SPAG16: variants seen among roughly 807,000 people sequenced by gnomAD.
SPAG16 encodes the protein sperm-associated antigen 16 protein.
In SPAG16, 86 loss-of-function variants were observed where a neutral mutation model predicts 80.4. The ratio of observed to expected loss-of-function variants is 1.07; its 90% CI spans 0.90 to 1.28. SPAG16 has a LOEUF of 1.28. Among genes scored for constraint, SPAG16 ranks in the 50% most tolerant of loss-of-function variants. The pLI is 0.00. For synonymous variants in SPAG16, 294 were observed against 265.9 expected (o/e 1.11, Z -1.03); for missense variants, 870 against 765.3 (o/e 1.14, Z -1.61).
At chr2:213,871,244 A>G (rs2556311) in intron 11 of SPAG16, among the ~76,000 whole-genome samples, 138,778 of 151,988 alleles carry the variant, frequency 0.91, 64,708 homozygotes, top group East Asian at 1. Context: ...AGAATGGCAG[A>G]ATAAGGACGT....
At chr2:213,729,901 T>C (rs2066949158) in intron 10 of SPAG16, among the ~76,000 whole-genome samples, 1 of 152,200 alleles carries the variant, frequency 6.6e-6, no homozygotes, top group African/African-American at 2.4e-5. Context: ...CTATATTTAA[T>C]GTCTAGATGA....
intron 10 of SPAG16, among the ~76,000 whole-genome samples, chr2:213,821,361 A>G (rs2072921182): frequency 6.6e-6 from 1 of 152,108 alleles, no homozygotes; most frequent in Non-Finnish European, 1.5e-5. Flanking sequence ...ATGCAATTTT[A>G]AAATTTTATT....
intron 10 of SPAG16, among the ~76,000 whole-genome samples, chr2:213,682,984 T>G (rs2064473196): frequency 6.6e-6 from 1 of 152,142 alleles, no homozygotes; most frequent in Admixed American, 6.5e-5. Flanking sequence ...TTACATAGTA[T>G]AAAAACAGAC....
chr2:213,915,829 G>A (rs1200041389), intron 11 of SPAG16, among the ~76,000 whole-genome samples: 1 of 152,056 alleles, frequency 6.6e-6, no homozygotes, highest in Non-Finnish European at 1.5e-5. Flanking sequence ...GGCATGAGAT[G>A]GTATCTCATA....
chr2:213,375,283 A>G (rs2066831491), intron 9 of SPAG16, 164 bp downstream of exon 9: 1 of 484,340 alleles, frequency 2.1e-6, no homozygotes, highest in Non-Finnish European at 3.7e-6. Context: ...AAATGTTACT[A>G]GTAAGTAGTT....
intron 11 of SPAG16, among the ~76,000 whole-genome samples, chr2:213,914,522 T>G (rs555222142): frequency 6.6e-6 from 1 of 152,174 alleles, no homozygotes; most frequent in Non-Finnish European, 1.5e-5. Context: ...TCAAAATATA[T>G]GCACAGCACA....
intron 10 of SPAG16, among the ~76,000 whole-genome samples, chr2:213,707,280 A>G (rs60465888): frequency 0.026 from 3,897 of 152,272 alleles, 164 homozygotes; most frequent in African/African-American, 0.086. Flanking sequence ...CCTGCCCCTC[A>G]TGAATCATGT....
chr2:213,352,052 GCACT>G (rs1489964099), intron 7 of SPAG16, among the ~76,000 whole-genome samples: 1 of 151,794 alleles, frequency 6.6e-6, no homozygotes, highest in African/African-American at 2.4e-5. Flanking sequence ...TCTTTTGCTT[GCACT>G]CACTCTCTTT....
At chr2:213,337,987 C>T (rs2064464487) in intron 5 of SPAG16, among the ~76,000 whole-genome samples, 1 of 152,062 alleles carries the variant, frequency 6.6e-6, no homozygotes. Context: ...TCCAGGTCAC[C>T]TATAAAGGGA....
chr2:214,262,977 G>A (rs139543283), intron 15 of SPAG16, among the ~76,000 whole-genome samples: 162 of 151,998 alleles, frequency 1.1e-3, no homozygotes, highest in African/African-American at 3.8e-3. Context: ...ATACATTTAA[G>A]GTACACACGT....
intron 12 of SPAG16, among the ~76,000 whole-genome samples, chr2:213,945,078 T>C (rs1235634938): frequency 6.6e-6 from 1 of 151,842 alleles, no homozygotes; most frequent in African/African-American, 2.4e-5. Context: ...TCTTTCTTCT[T>C]TGTTCTCTGC....
At chr2:213,951,129 C>T (rs915719539) in intron 12 of SPAG16, among the ~76,000 whole-genome samples, 2 of 151,818 alleles carry the variant, frequency 1.3e-5, no homozygotes, top group East Asian at 3.9e-4. Flanking sequence ...ATATACAAAC[C>T]TTCAAGCCTT....
At chr2:213,694,192 T>A (rs1458411761) in intron 10 of SPAG16, among the ~76,000 whole-genome samples, 1 of 152,160 alleles carries the variant, frequency 6.6e-6, no homozygotes, top group Non-Finnish European at 1.5e-5. Flanking sequence ...GGCATATTAC[T>A]TAGGTGAGAA....
At chr2:213,292,403 G>A (rs548021060) in intron 1 of SPAG16, among the ~76,000 whole-genome samples, 6 of 152,090 alleles carry the variant, frequency 3.9e-5, no homozygotes, top group Admixed American at 2.6e-4. Context: ...GGTGGCTCAC[G>A]CCTGTAATCC....
At chr2:214,182,004 A>G (rs1180485133) in intron 15 of SPAG16, among the ~76,000 whole-genome samples, 1 of 151,820 alleles carries the variant, frequency 6.6e-6, no homozygotes, top group African/African-American at 2.4e-5. Flanking sequence ...AAAATGCAAC[A>G]GTGATTTAAA....
intron 12 of SPAG16, among the ~76,000 whole-genome samples, chr2:213,948,406 T>C (rs2079564520): frequency 6.6e-6 from 1 of 152,220 alleles, no homozygotes; most frequent in South Asian, 2.1e-4. Context: ...ACCCCATTGA[T>C]GCTACTCTAT....
intron 12 of SPAG16, among the ~76,000 whole-genome samples, chr2:213,961,954 G>A (rs1037993101): frequency 3.3e-5 from 5 of 151,906 alleles, no homozygotes; most frequent in Non-Finnish European, 5.9e-5. Context: ...CTGAAGTATT[G>A]ATATTAATTC....
chr2:214,108,886 C>A (rs1029743023), intron 14 of SPAG16, among the ~76,000 whole-genome samples: 1 of 152,046 alleles, frequency 6.6e-6, no homozygotes, highest in Non-Finnish European at 1.5e-5. Flanking sequence ...GTTGGAGAGT[C>A]CTTTGAGTTT....
intron 15 of SPAG16, among the ~76,000 whole-genome samples, chr2:214,260,738 G>C (rs7355712): frequency 0.63 from 96,358 of 151,852 alleles, 30,932 homozygotes; most frequent in South Asian, 0.71. Context: ...ATAGTGCCTG[G>C]GTATCTATCT....
Sources: allele counts gnomAD v4.1 joint callset (sites outside exome capture counted in the v4.1 genomes callset), GRCh38; gene constraint gnomAD v4.1.1; transcripts MANE v1.5; gene names NCBI Gene and HGNC (gene_info 2026-07-23, HGNC 2026-07-21).